The following SMAD4 variants were observed in gnomAD, a reference collection of about 807,000 sequenced individuals.
The protein encoded by SMAD4 is SMAD family member 4.
A neutral mutation model predicts 63.2 loss-of-function variants in SMAD4; 7 were observed. The observed-to-expected ratio is 0.11, with a 90% CI of 0.06 to 0.21. The LOEUF (loss-of-function observed/expected upper bound fraction) is 0.21, where lower values mean the gene tolerates loss of function less well. SMAD4 is among the 10% of genes least tolerant of loss of function. SMAD4 has a pLI of 1.00. For synonymous variants in SMAD4, 215 were observed against 235.4 expected, an observed-to-expected ratio of 0.91 and a Z score of 0.79; for missense variants, 312 against 693.8, an observed-to-expected ratio of 0.45 and a Z score of 6.18.
intron 1 of SMAD4, among the ~76,000 whole-genome samples, chr18:51,039,685 A>T (rs1909317089): frequency 6.6e-6 from 1 of 152,118 alleles, no homozygotes; most frequent in Non-Finnish European, 1.5e-5. Flanking sequence ...ATGGAGAAAT[A>T]CATGCTGGTA....
At chr18:51,059,979 A>G in intron 8 of SMAD4, 63 bp downstream of exon 8, 1 of 1,215,046 alleles carries the variant, frequency 8.2e-7, no homozygotes, top group Non-Finnish European at 1.2e-6. Flanking sequence ...TGAAACGCAC[A>G]AACACAGGCT....
intron 10 of SMAD4, among the ~76,000 whole-genome samples, chr18:51,068,172 G>A (rs897503431): frequency 6.6e-6 from 1 of 152,146 alleles, no homozygotes; most frequent in Non-Finnish European, 1.5e-5. Context: ...AGCAAACCCA[G>A]TTTCTCATTT....
chr18:51,033,186 ATTTTTTT>A (rs34008927), intron 1 of SMAD4, among the ~76,000 whole-genome samples: 12 of 117,318 alleles, frequency 1.0e-4, no homozygotes, highest in Non-Finnish European at 2.1e-4. Flanking sequence ...ATAACACAGC[ATTTTTTT>A]TTTTTTTTTT....
Position 51,073,408 on chromosome 18 carries a change from C to T in SMAD4, c.1309-3230C>T, listed in dbSNP as rs1177052232. ...ATATATACACACACACACACACACA[C>T]ACACACACACACACACACACACACA... On this transcript the variant is annotated intron_variant, in intron 10 of 11. Coordinates refer to ENST00000342988, the MANE Select transcript of SMAD4 (RefSeq NM_005359.6). Among the ~76,000 whole-genome samples, 50 of 140,402 alleles carry T rather than the reference C, an allele frequency of 3.6e-4. No individual in the cohort carries two copies. In the East Asian group the frequency reaches 5.0e-3, roughly 14 times the overall value. The allele number at this position is 140,402 out of a possible 152,430, so 92.1% of individuals were successfully genotyped here.
chr18:51,068,101 G>A (rs890705359), intron 10 of SMAD4, among the ~76,000 whole-genome samples: 3 of 152,146 alleles, frequency 2.0e-5, no homozygotes, highest in Admixed American at 6.5e-5. Flanking sequence ...AGTTGCTTAG[G>A]ATAAAAATAA....
rs2144474029 is a variant in SMAD4, at chr18:51,076,696, C to T, written c.1367C>T (p.Ala456Val). The T allele has an allele frequency of 6.2e-7, 1 of 1,612,350 alleles. No homozygotes were observed. The highest frequency in any genetic ancestry group is 1.1e-5 in the South Asian group (1 of 91,032). Residue 456 changes from alanine (A) to valine (V), a missense_variant, in exon 11 of 12, where the codon GCT becomes GTT. Coordinates refer to ENST00000342988, the MANE Select transcript of SMAD4 (RefSeq NM_005359.6). ...CAGCAGCAGGCGGCTACTGCACAAG[C>T]TGCAGCAGCTGCCCAGGCAGCAGCC... is the stretch of plus-strand genomic sequence containing the variant. ...QMQQQAATAQ[A>V]AAAAQAAAVA... is the part of the protein sequence containing the mutation.
chr18:51,031,244 G>T (rs886975793), intron 1 of SMAD4, among the ~76,000 whole-genome samples: 3 of 152,160 alleles, frequency 2.0e-5, no homozygotes, highest in African/African-American at 7.2e-5. Context: ...AGCACTGCAT[G>T]TACTGACAGT....
intron 2 of SMAD4, among the ~76,000 whole-genome samples, chr18:51,047,709 A>T (rs1182700357): frequency 6.6e-6 from 1 of 151,992 alleles, no homozygotes; most frequent in Non-Finnish European, 1.5e-5. Flanking sequence ...CTTGGGTTCA[A>T]GCAATCCTCC....
At chr18:51,034,055 C>T (rs545317838) in intron 1 of SMAD4, among the ~76,000 whole-genome samples, 10 of 152,200 alleles carry the variant, frequency 6.6e-5, no homozygotes, top group Admixed American at 3.3e-4. Context: ...ACAGTAAAGA[C>T]CGTTCAGCCC....
intron 10 of SMAD4, among the ~76,000 whole-genome samples, chr18:51,068,810 A>T (rs576300317): frequency 6.6e-6 from 1 of 151,970 alleles, no homozygotes; most frequent in Non-Finnish European, 1.5e-5. Context: ...AGTTTTAGCT[A>T]CTTGGGAGGC....
chr18:51,050,703 C>A (rs1909684439), intron 4 of SMAD4, among the ~76,000 whole-genome samples: 1 of 150,598 alleles, frequency 6.6e-6, no homozygotes, highest in South Asian at 2.1e-4. Flanking sequence ...GAAAGGTGTG[C>A]TCTTGTTCTG....
chr18:51,057,357 A>G (rs1000141519), intron 5 of SMAD4, among the ~76,000 whole-genome samples: 1 of 152,212 alleles, frequency 6.6e-6, no homozygotes, highest in Non-Finnish European at 1.5e-5. Context: ...ACAGTAAGCA[A>G]TATCATAGGA....
chr18:51,061,879 T>G (rs545282802), intron 8 of SMAD4, among the ~76,000 whole-genome samples: 1 of 152,332 alleles, frequency 6.6e-6, no homozygotes, highest in East Asian at 1.9e-4. Flanking sequence ...TTATTGATTA[T>G]GTTGGTTTAA....
intron 6 of SMAD4, 34 bp from the exon 7 acceptor site, chr18:51,058,306 A>C (rs1167886177): frequency 1.2e-6 from 2 of 1,610,722 alleles, no homozygotes; most frequent in Admixed American, 1.7e-5. Context: ...GCCTTTATAA[A>C]AGCAAATTAA....
At chr18:51,067,945 T>TTCA (rs1910209067) in intron 10 of SMAD4, among the ~76,000 whole-genome samples, 1 of 152,230 alleles carries the variant, frequency 6.6e-6, no homozygotes, top group Non-Finnish European at 1.5e-5. Flanking sequence ...AATTTTACTT[T>TTCA]ATAATATAAC....
chr18:51,030,734 T>G (rs1259939209), intron 1 of SMAD4, 111 bp downstream of exon 1: 5 of 149,798 alleles, frequency 3.3e-5, no homozygotes, highest in African/African-American at 1.0e-4. Flanking sequence ...CGGCGGCGGC[T>G]GGGAGCGCGC....
intron 10 of SMAD4, among the ~76,000 whole-genome samples, chr18:51,076,196 T>C (rs1477370800): frequency 6.6e-6 from 1 of 152,228 alleles, no homozygotes; most frequent in East Asian, 1.9e-4. Flanking sequence ...ATAGCGACAG[T>C]GCCATTTTGT....
chr18:51,040,892 C>G (rs143559191), intron 1 of SMAD4, among the ~76,000 whole-genome samples: 2 of 152,310 alleles, frequency 1.3e-5, no homozygotes, highest in African/African-American at 2.4e-5. Flanking sequence ...TCTTCAAACT[C>G]AAGATATCTA....
chr18:51,067,225 G>A (rs1910188691), intron 10 of SMAD4, 38 bp downstream of exon 10: 2 of 1,180,090 alleles, frequency 1.7e-6, no homozygotes, highest in East Asian at 4.7e-5. Context: ...TAGACTTAAA[G>A]CTCTATTTGT....
Sources: allele counts gnomAD v4.1 joint callset (sites outside exome capture counted in the v4.1 genomes callset), GRCh38; gene constraint gnomAD v4.1.1; transcripts MANE v1.5; gene names NCBI Gene and HGNC (gene_info 2026-07-23, HGNC 2026-07-21).